HYOU1: variants seen among roughly 807,000 people sequenced by gnomAD.
HYOU1 encodes the protein hypoxia up-regulated 1, also known as hypoxia up-regulated protein 1.
In HYOU1, 40 loss-of-function variants were observed where a neutral mutation model predicts 120.5. The ratio of observed to expected loss-of-function variants is 0.33; its 90% confidence interval spans 0.26 to 0.43. HYOU1 has a LOEUF of 0.43. Among genes scored for constraint, HYOU1 ranks in the 20% least tolerant of loss-of-function variants. The probability of loss-of-function intolerance (pLI) is 1.00; values close to 1 mark genes in which losing one functional copy is unlikely to be tolerated. For missense variants in HYOU1, 1,085 were observed against 1,278.3 expected, an observed-to-expected ratio of 0.85 and a Z score of 2.31; for synonymous variants, 501 against 479.4, an observed-to-expected ratio of 1.05 and a Z score of -0.59.
chr11:119,048,443 C>T lies in HYOU1; in HGVS notation c.2253+33G>A. ...AGGCCCACAGAGCCAGGTGTAAGCC[C>T]AGTGGGGGGGCTGCTGCCTCCTGCC... On this transcript the variant is annotated intron_variant, in intron 19 of 25. Transcript: ENST00000617285. The surrounding 1 kb of genome is among the most constrained non-coding windows in gnomAD (Gnocchi z 4.7). 1 of 1,613,250 alleles carries T rather than the reference C, an allele frequency of 6.2e-7. No individual in the cohort carries two copies. The highest frequency in any genetic ancestry group is 8.5e-7 in the Non-Finnish European group (1 of 1,179,866).
Position 119,051,449 on chromosome 11 carries a change from A to G in HYOU1, c.1515T>C (p.Pro505=). 6.2e-7 allele frequency: 1 copy of G among 1,614,036 alleles called. No individual in the cohort carries two copies. The highest frequency in any genetic ancestry group is 8.5e-7 in the Non-Finnish European group (1 of 1,179,978). ...CCCCTGCCCCTCACCGAAGATCTTC[A>G]GGCCCCAGGAAGCCCAGGTCGCCGT... ...INYGDLGFLG[P]EDLRVFGSQN... The change falls in exon 13 of 26, where the codon CCT becomes CCC. Residue 505 remains proline, a synonymous_variant. Coordinates refer to ENST00000617285, the MANE Select transcript of HYOU1 (RefSeq NM_006389.5). This position sits in a 1 kb window ranked among gnomAD's most constrained non-coding sequence, Gnocchi z 4.2.
In HYOU1 at chr11:119,054,983, C is replaced by T; in HGVS notation, c.496+1G>A. 6.2e-7 allele frequency: 1 copy of T among 1,613,748 alleles called. No individual in the cohort carries two copies. The highest frequency in any genetic ancestry group is 8.5e-7 in the Non-Finnish European group (1 of 1,179,984). On this transcript the variant is annotated splice_donor_variant, in intron 6 of 25. Transcript: ENST00000617285. LOFTEE classifies it high-confidence loss of function. Reference sequence around the variant, plus strand: ...CTAAGGGCCCCACCTTGACCACTCACCTGCAAAATCTTCAGCTAGAGAACG... The same window carrying T: ...CTAAGGGCCCCACCTTGACCACTCATCTGCAAAATCTTCAGCTAGAGAACG...
Position 119,052,172 on chromosome 11 carries a change from C to T in HYOU1, c.1123G>A (p.Asp375Asn). The T allele has an allele frequency of 1.2e-6, 2 of 1,614,210 alleles. No homozygotes were observed. Among genetic ancestry groups the T allele is most frequent in the Non-Finnish European group, 8.5e-7 (1 of 1,180,038 alleles). Reference protein sequence around the residue: ...QALQSAEMSLDEIEQVILVGG... With the variant: ...QALQSAEMSLNEIEQVILVGG... ...ACCAGGATCACCTGCTCAATCTCAT[C>T]CTGCAGTGGGTAAGAATGACAGGTG... The change falls in exon 11 of 26, where the codon GAT (aspartate) becomes AAT (asparagine). Residue 375 changes from aspartate to asparagine, a missense_variant and splice_region_variant. Coordinates refer to ENST00000617285, the MANE Select transcript of HYOU1 (RefSeq NM_006389.5). This position sits in a 1 kb window ranked among gnomAD's most constrained non-coding sequence, Gnocchi z 5.0.
At position 119,055,462 on chromosome 11, in the gene HYOU1, A is replaced by G. The variant is rs2133613425; in HGVS notation, c.264+31T>C. 9.3e-6 allele frequency: 15 copies of G among 1,610,854 alleles called. No individual in the cohort carries two copies. Among genetic ancestry groups the G allele is most frequent in the Non-Finnish European group, 1.2e-5 (14 of 1,177,164 alleles). Reference sequence around the variant, plus strand: ...GGCTGCCATCTCCTCTCCTCTGCCCACCACTCTGGGAAGAGGGACTGCTAG... The same window carrying G: ...GGCTGCCATCTCCTCTCCTCTGCCCGCCACTCTGGGAAGAGGGACTGCTAG... On this transcript the variant is annotated intron_variant, in intron 4 of 25. Transcript: ENST00000617285. The surrounding 1 kb of genome is among the most constrained non-coding windows in gnomAD (Gnocchi z 4.0).
intron 7 of HYOU1, 92 bp downstream of exon 7, chr11:119,054,402 C>T: frequency 1.4e-6 from 2 of 1,391,314 alleles, no homozygotes; most frequent in Non-Finnish European, 2.0e-6. Flanking sequence ...AGGGTCAGCC[C>T]AGCCATGCAA....
Position 119,046,746 on chromosome 11 carries a change from A to C in HYOU1, c.2652T>G (p.Pro884=), listed in dbSNP as rs2133553012. ...EQAKLPATEK[P]VLLSKDIEAK... is the part of the protein sequence containing the mutation. ...CTTCAATGTCTTTTGAGAGCAACAC[A>C]GGCTTCTCTGTGGCGGGCAGCTTAG... Residue 884 remains proline (P), a synonymous_variant, in exon 23 of 26, where the codon CCT becomes CCG. Transcript: ENST00000617285. 6.2e-7 allele frequency: 1 copy of C among 1,606,946 alleles called. No individual in the cohort carries two copies. The highest frequency in any genetic ancestry group is 1.1e-5 in the South Asian group (1 of 91,080).
Position 119,046,596 on chromosome 11 carries a change from G to C in HYOU1, c.2802C>G (p.Ala934=). 6.2e-7 allele frequency: 1 copy of C among 1,613,990 alleles called. No homozygotes were observed. The highest frequency in any genetic ancestry group is 8.5e-7 in the Non-Finnish European group (1 of 1,179,870). ...TRAEPPLNAS[A]SDQGEKVIPP... ...GGATGACCTTCTCCCCCTGGTCACT[G>C]GCACTGGCATTGAGGGGTGGCTCTG... The change falls in exon 23 of 26, where the codon GCC becomes GCG. Residue 934 remains alanine, a synonymous_variant. Transcript: ENST00000617285.
chr11:119,054,648 G>A lies in HYOU1; in HGVS notation c.524C>T (p.Thr175Ile), dbSNP rs2133606602. ...AEQPIKDAVI[T>I]VPVFFNQAER... is the part of the protein sequence containing the mutation. ...GGCCTGGTTGAAGAAGACTGGCACGGTGATCACTGCATCCTTGATGGGCTG... is the reference window on the plus strand; with the variant it reads ...GGCCTGGTTGAAGAAGACTGGCACGATGATCACTGCATCCTTGATGGGCTG... Residue 175 changes from threonine (T) to isoleucine (I), a missense_variant, in exon 7 of 26, where the codon ACC becomes ATC. By Grantham distance (89) the Thr-to-Ile change is moderately conservative (BLOSUM62 -1). Around this residue, in one of 4 missense-constraint regions of HYOU1, gnomAD observed 515 missense variants for 677.8 expected, o/e 0.76. Transcript: ENST00000617285. 6.2e-7 allele frequency: 1 copy of A among 1,613,306 alleles called. No homozygotes were observed. The highest frequency in any genetic ancestry group is 8.5e-7 in the Non-Finnish European group (1 of 1,180,040).
chr11:119,055,142 C>A lies in HYOU1; in HGVS notation c.419+43G>T. ...TCAGGAACACACACCAATGAGGAGC[C>A]CAGCAGCGTTGCCGAGACCACCTTC... On this transcript the variant is annotated intron_variant, in intron 5 of 25. Coordinates refer to ENST00000617285, the MANE Select transcript of HYOU1 (RefSeq NM_006389.5). The surrounding 1 kb of genome is among the most constrained non-coding windows in gnomAD (Gnocchi z 4.0). 2 of 1,612,164 alleles carry A rather than the reference C, an allele frequency of 1.2e-6. No individual in the cohort carries two copies. The highest frequency in any genetic ancestry group is 1.7e-6 in the Non-Finnish European group (2 of 1,178,600).
In HYOU1 at chr11:119,049,050, C is replaced by G. The variant is rs1944254809; in HGVS notation, c.1960G>C (p.Glu654Gln). The G allele has an allele frequency of 1.9e-6, 3 of 1,614,110 alleles. No homozygotes were observed. The Admixed American group carries it at 5.0e-5, about 27-fold the overall frequency. The change falls in exon 17 of 26, where the codon GAA becomes CAA. Residue 654 changes from glutamate to glutamine, a missense_variant. Around this residue, in one of 4 missense-constraint regions of HYOU1, gnomAD observed 516 missense variants for 517.1 expected, o/e 1.00. Transcript: ENST00000617285. ...DATPEGEKAT[E>Q]KENGDKSEAQ... Reference sequence around the variant, plus strand: ...TCAGACTTGTCCCCATTTTCTTTTTCTGTGGCCTTTTCTCCCTCAGGGGTT... The same window carrying G: ...TCAGACTTGTCCCCATTTTCTTTTTGTGTGGCCTTTTCTCCCTCAGGGGTT...
intron 22 of HYOU1, chr11:119,047,179 T>C (rs1592133877): frequency 9.6e-6 from 2 of 208,064 alleles, no homozygotes; most frequent in East Asian, 2.6e-4. Flanking sequence ...CTCAGCCTCC[T>C]GAGTAGCTAG....
chr11:119,045,953 G>T (rs968607001), intron 24 of HYOU1, 122 bp from the exon 25 acceptor site: 2 of 952,988 alleles, frequency 2.1e-6, no homozygotes, highest in Non-Finnish European at 3.3e-6. Flanking sequence ...ACCACATTTG[G>T]TCTCTTTGCC....
chr11:119,055,802 T>C lies in HYOU1; in HGVS notation c.133A>G (p.Met45Val), dbSNP rs568395407. Residue 45 changes from methionine to valine, a missense_variant, in exon 3 of 26, where the codon ATG becomes GTG. Physicochemically the swap from Met to Val is conservative, Grantham distance 21 (BLOSUM62 1). Around this residue, in one of 4 missense-constraint regions of HYOU1, gnomAD observed 9 missense variants for 34.3 expected, o/e 0.26. Transcript: ENST00000617285. The surrounding 1 kb of genome is among the most constrained non-coding windows in gnomAD (Gnocchi z 4.0). ...CCAGGTTTGACAATGGCCACCTTCA[T>C]GGACTCACTGCCCAGGTCCACAGAC... ...VMSVDLGSES[M>V]KVAIVKPGVP... 1 of 1,614,182 alleles carries C rather than the reference T, an allele frequency of 6.2e-7. No homozygotes were observed. Among genetic ancestry groups the C allele is most frequent in the East Asian group, 2.2e-5 (1 of 44,888 alleles).
intron 16 of HYOU1, 80 bp from the exon 17 acceptor site, chr11:119,049,283 A>G: frequency 6.3e-7 from 1 of 1,587,808 alleles, no homozygotes; most frequent in Non-Finnish European, 8.5e-7. Flanking sequence ...CGCCGACCCC[A>G]TGGGGGTTCC....
rs1293963764 is a variant in HYOU1, at chr11:119,052,701, T to C, written c.923A>G (p.Lys308Arg). ...GAGCCGATTAGCCTCACGCAGCAGC[T>C]TGGCCATGGCACGCGGGTTCTCCCG... ...DVRENPRAMA[K>R]LLREANRLKT... is the part of the protein sequence containing the mutation. The change falls in exon 9 of 26, where the codon AAG becomes AGG. Residue 308 changes from lysine to arginine, a missense_variant. Coordinates refer to ENST00000617285, the MANE Select transcript of HYOU1 (RefSeq NM_006389.5). The surrounding 1 kb of genome is among the most constrained non-coding windows in gnomAD (Gnocchi z 5.0). 6.2e-6 allele frequency: 10 copies of C among 1,614,116 alleles called. No individual in the cohort carries two copies. In the East Asian group the frequency reaches 1.8e-4, roughly 29 times the overall value.
chr11:119,051,383 C>G lies in HYOU1; in HGVS notation c.1526+55G>C. 1 of 1,581,678 alleles carries G rather than the reference C, an allele frequency of 6.3e-7. No individual in the cohort carries two copies. The highest frequency in any genetic ancestry group is 8.7e-7 in the Non-Finnish European group (1 of 1,155,420). On this transcript the variant is annotated intron_variant, in intron 13 of 25. Coordinates refer to ENST00000617285, the MANE Select transcript of HYOU1 (RefSeq NM_006389.5). This position sits in a 1 kb window ranked among gnomAD's most constrained non-coding sequence, Gnocchi z 4.2. ...CCTCACCCCCAGTCCTCAGATTATC[C>G]AGCAGCCACGCCTCCCCCTCCCTGG...
chr11:119,049,979 G>A (rs2133576907), intron 14 of HYOU1, 142 bp from the exon 15 acceptor site: 6 of 759,688 alleles, frequency 7.9e-6, no homozygotes, highest in African/African-American at 6.9e-5. Context: ...AGGACTTGGA[G>A]GTGGCTGCCC....
chr11:119,051,026 A>G lies in HYOU1; in HGVS notation c.1665+9T>C. ...CTGCTCTGCACACAGGGTATCCTTT[A>G]GCTCTCACCCTGTCTAGACTGAGCA... On this transcript the variant is annotated intron_variant, in intron 14 of 25. Coordinates refer to ENST00000617285, the MANE Select transcript of HYOU1 (RefSeq NM_006389.5). The surrounding 1 kb of genome is among the most constrained non-coding windows in gnomAD (Gnocchi z 4.2). 6.2e-7 allele frequency: 1 copy of G among 1,614,110 alleles called. No individual in the cohort carries two copies. Among genetic ancestry groups the G allele is most frequent in the South Asian group, 1.1e-5 (1 of 91,082 alleles).
intron 24 of HYOU1, among the ~76,000 whole-genome samples, chr11:119,046,109 C>A (rs1454984405): frequency 6.6e-6 from 1 of 152,074 alleles, no homozygotes; most frequent in South Asian, 2.1e-4. Context: ...TAAAGGTGTG[C>A]GCCACCACGC....
Sources: gnomAD v4.1 joint callset for allele counts (sites outside exome capture counted in the v4.1 genomes callset) on GRCh38, gnomAD v4.1.1 for gene constraint, gnomAD v4.1.1 regional missense constraint, Gnocchi (gnomAD v3.1) non-coding constraint, MANE v1.5 for transcripts, NCBI Gene and HGNC (gene_info 2026-07-23, HGNC 2026-07-21) for gene names.